Variants in CLOCK observed in about 807,000 individuals in gnomAD.
CLOCK encodes the protein circadian locomoter output cycles protein kaput.
CLOCK carries 43 observed loss-of-function variants against 118.4 expected under a neutral mutation model. That is an observed-to-expected ratio of 0.36 (90% CI 0.28 to 0.47). The LOEUF (loss-of-function observed/expected upper bound fraction) is 0.47. Ranked by LOEUF, CLOCK falls within the 20% of genes least tolerant of loss-of-function variation. The probability of loss-of-function intolerance (pLI) is 1.00; values close to 1 mark genes in which losing one functional copy is unlikely to be tolerated. For missense variants in CLOCK, 846 were observed against 999.9 expected (o/e 0.85, Z 2.08); for synonymous variants, 326 against 339.2 (o/e 0.96, Z 0.43).
intron 1 of CLOCK, among the ~76,000 whole-genome samples, chr4:55,536,917 CACT>C: frequency 6.6e-6 from 1 of 152,206 alleles, no homozygotes; most frequent in South Asian, 2.1e-4. Flanking sequence ...ATTTGTAAAA[CACT>C]CCACCTAACA....
In CLOCK at chr4:55,449,468, C is replaced by T. The variant is rs746852954; in HGVS notation, c.1377G>A (p.Thr459=). The T allele has an allele frequency of 3.9e-5, 63 of 1,613,838 alleles. No homozygotes were observed. The highest frequency in any genetic ancestry group is 5.2e-5 in the Non-Finnish European group (61 of 1,179,938). Residue 459 remains threonine, a synonymous_variant, in exon 17 of 23, where the codon ACG becomes ACA. Transcript: ENST00000513440. ...SSTPTKIPTD[T]STPPRQHLPA... ...GTAAATGCTGCCTGGGTGGAGTGCTCGTATCCGTCGGGATCTTGGTTGGTG... is the reference window on the plus strand; with the variant it reads ...GTAAATGCTGCCTGGGTGGAGTGCTTGTATCCGTCGGGATCTTGGTTGGTG...
At chr4:55,491,319 C>T (rs1393294977) in intron 2 of CLOCK, among the ~76,000 whole-genome samples, 1 of 144,690 alleles carries the variant, frequency 6.9e-6, no homozygotes, top group African/African-American at 2.5e-5. Context: ...AGAACAAAGC[C>T]CATAGAGAGC....
intron 6 of CLOCK, among the ~76,000 whole-genome samples, chr4:55,476,669 G>A (rs1432167402): frequency 1.3e-5 from 2 of 152,142 alleles, no homozygotes; most frequent in Non-Finnish European, 2.9e-5. Flanking sequence ...GAGAGATGGT[G>A]AAAAATTTGG....
chr4:55,468,258 A>G (rs1434919369), intron 8 of CLOCK, among the ~76,000 whole-genome samples: 3 of 152,136 alleles, frequency 2.0e-5, no homozygotes, highest in Admixed American at 2.0e-4. Context: ...CTGCACCCAG[A>G]GAGAGGCATT....
At chr4:55,469,053 A>G (rs1216120391) in intron 8 of CLOCK, among the ~76,000 whole-genome samples, 1 of 152,248 alleles carries the variant, frequency 6.6e-6, no homozygotes. Flanking sequence ...GTACACATGT[A>G]CATGATAATA....
At chr4:55,472,371 G>C (rs1277113764) in intron 7 of CLOCK, among the ~76,000 whole-genome samples, 2 of 152,122 alleles carry the variant, frequency 1.3e-5, no homozygotes, top group Non-Finnish European at 2.9e-5. Flanking sequence ...CAGTTCTAAG[G>C]GGGTGAAGTA....
intron 3 of CLOCK, among the ~76,000 whole-genome samples, chr4:55,487,063 TTTTA>T (rs1178964395): frequency 4.6e-5 from 7 of 152,194 alleles, no homozygotes; most frequent in Non-Finnish European, 4.4e-5. Context: ...TTTCAATAGA[TTTTA>T]TTTTTCAACC....
chr4:55,544,742 G>T (rs1020980622), intron 1 of CLOCK, among the ~76,000 whole-genome samples: 5 of 152,134 alleles, frequency 3.3e-5, no homozygotes, highest in African/African-American at 1.2e-4. Flanking sequence ...TTGAAAACAT[G>T]AAGACATACA....
chr4:55,469,971 G>A (rs1181288452), intron 8 of CLOCK, among the ~76,000 whole-genome samples: 3 of 152,062 alleles, frequency 2.0e-5, no homozygotes, highest in Admixed American at 6.6e-5. Flanking sequence ...GCTTCCCAAA[G>A]TATTAAGCTA....
At chr4:55,528,024 CCTGT>C (rs900463281) in intron 1 of CLOCK, among the ~76,000 whole-genome samples, 1 of 146,014 alleles carries the variant, frequency 6.8e-6, no homozygotes, top group African/African-American at 2.5e-5. Context: ...ACAGCAAGAC[CCTGT>C]CTCTCAAAAA....
rs1723554558 is a variant in CLOCK at position 55,443,688 on chromosome 4, T to C, written c.1901A>G (p.Gln634Arg). Residue 634 changes from glutamine (Q) to arginine (R), a missense_variant and splice_region_variant, in exon 20 of 23, where the codon CAG (glutamine) becomes CGG (arginine). Physicochemically the swap from Gln to Arg is conservative, Grantham distance 43. This residue lies in a region of CLOCK where 520 missense variants were observed against 558.0 expected (regional missense o/e 0.93). Transcript: ENST00000513440. ...QQQTLQSTST[Q>R]SQQNVLSGHS... ...GCCCGCTGTGCTCAGTAACATTACCTGAGTTGATGTACTCTGTAAAGTCTG... is the reference window on the plus strand; with the variant it reads ...GCCCGCTGTGCTCAGTAACATTACCCGAGTTGATGTACTCTGTAAAGTCTG... 5 of 1,611,818 alleles carry C rather than the reference T, an allele frequency of 3.1e-6. No homozygotes were observed. Among genetic ancestry groups the C allele is most frequent in the Non-Finnish European group, 4.2e-6 (5 of 1,177,992 alleles).
At chr4:55,525,934 G>GT (rs1173064832) in intron 1 of CLOCK, among the ~76,000 whole-genome samples, 3 of 150,522 alleles carry the variant, frequency 2.0e-5, no homozygotes, top group Non-Finnish European at 4.4e-5. Context: ...ATACGAAAAT[G>GT]TTTAACTATA....
Position 55,482,719 on chromosome 4 carries a change from A to T in CLOCK, c.47+20T>A. ...TTAAAATAATTATATATAACTTAAA[A>T]TAAGTCTTCAAAAACATACCTGTCA... On this transcript the variant is annotated intron_variant, in intron 4 of 22. Transcript: ENST00000513440. 1.3e-6 allele frequency: 2 copies of T among 1,552,784 alleles called. No individual in the cohort carries two copies. The highest frequency in any genetic ancestry group is 1.8e-6 in the Non-Finnish European group (2 of 1,132,654).
chr4:55,455,340 C>T (rs920328923), intron 13 of CLOCK, among the ~76,000 whole-genome samples: 19 of 152,258 alleles, frequency 1.2e-4, no homozygotes, highest in African/African-American at 4.1e-4. Context: ...GTGTTCTCAG[C>T]TTACTCATGA....
intron 3 of CLOCK, among the ~76,000 whole-genome samples, chr4:55,488,342 C>T (rs1047111512): frequency 2.0e-5 from 3 of 152,160 alleles, no homozygotes; most frequent in African/African-American, 7.2e-5. Context: ...CAATGACTCC[C>T]AAATCCACAC....
At chr4:55,467,481 C>G (rs574918782) in intron 8 of CLOCK, among the ~76,000 whole-genome samples, 1 of 152,010 alleles carries the variant, frequency 6.6e-6, no homozygotes, top group African/African-American at 2.4e-5. Context: ...TGAAGGGCAT[C>G]GAATTTTGAA....
At chr4:55,452,172 T>C (rs983068882) in intron 15 of CLOCK, 4 of 152,160 alleles carry the variant, frequency 2.6e-5, no homozygotes, top group East Asian at 3.9e-4. Flanking sequence ...ATGCATAGAA[T>C]AGACAAAAGT....
At chr4:55,497,883 T>C (rs1728185536) in intron 2 of CLOCK, among the ~76,000 whole-genome samples, 1 of 151,742 alleles carries the variant, frequency 6.6e-6, no homozygotes, top group Non-Finnish European at 1.5e-5. Context: ...CCAAAAAAGA[T>C]GAATTAAACC....
chr4:55,504,364 CA>C (rs1174146632), intron 2 of CLOCK, among the ~76,000 whole-genome samples: 3 of 149,022 alleles, frequency 2.0e-5, no homozygotes, highest in East Asian at 2.0e-4. Flanking sequence ...AAACACTCAG[CA>C]AATCAAGGCA....
Sources: allele counts gnomAD v4.1 joint callset (sites outside exome capture counted in the v4.1 genomes callset), GRCh38; gene constraint gnomAD v4.1.1; regional missense constraint gnomAD v4.1.1; transcripts MANE v1.5; gene names NCBI Gene and HGNC (gene_info 2026-07-23, HGNC 2026-07-21).